The following PPM1H variants were observed in gnomAD, a reference collection of about 807,000 sequenced individuals.
PPM1H encodes the protein protein phosphatase, Mg2+/Mn2+ dependent 1H, also known as protein phosphatase 1H.
A neutral mutation model predicts 54.9 loss-of-function variants in PPM1H; 27 were observed. That is an observed-to-expected ratio of 0.49 (90% CI 0.36 to 0.68). The LOEUF (loss-of-function observed/expected upper bound fraction) is 0.68, where lower values mean the gene tolerates loss of function less well. PPM1H is among the 30% of genes least tolerant of loss of function. The probability of loss-of-function intolerance (pLI) is 0.00; values close to 1 mark genes in which losing one functional copy is unlikely to be tolerated. For synonymous variants in PPM1H, 305 were observed against 270.8 expected (o/e 1.13, Z -1.24); for missense variants, 596 against 667.8 (o/e 0.89, Z 1.19).
intron 4 of PPM1H, among the ~76,000 whole-genome samples, chr12:62,764,421 T>A (rs2076529012): frequency 6.6e-6 from 1 of 152,166 alleles, no homozygotes; most frequent in Non-Finnish European, 1.5e-5. Context: ...TAACAGCTAT[T>A]CTGAATAAAA....
intron 1 of PPM1H, among the ~76,000 whole-genome samples, chr12:62,929,594 A>C (rs973392443): frequency 7.2e-5 from 11 of 152,256 alleles, no homozygotes; most frequent in African/African-American, 2.6e-4. Flanking sequence ...CTAAACTGGG[A>C]CTGAAACATA....
At position 62,646,688 on chromosome 12, in the gene PPM1H, T is replaced by G. The variant is rs2075787216; in HGVS notation, c.*1801A>C. Reference sequence around the variant, plus strand: ...AACTCCTGACAAGGCCGAAGTCCCATTCTTCCCAGGCCAACACTTGCACAA... The same window carrying G: ...AACTCCTGACAAGGCCGAAGTCCCAGTCTTCCCAGGCCAACACTTGCACAA... On this transcript the variant is annotated 3_prime_UTR_variant, in exon 10 of 10. Transcript: ENST00000228705. 1 of 152,292 alleles carries G rather than the reference T, an allele frequency of 6.6e-6. No individual in the cohort carries two copies. Among genetic ancestry groups the G allele is most frequent in the African/African-American group, 2.4e-5 (1 of 41,466 alleles). The allele number at this position is 152,292 out of a possible 1,614,324, so 9.4% of individuals were successfully genotyped here. A position where few individuals can be genotyped will look rare whatever the true frequency, so the allele number is the denominator to read the frequency against.
Position 62,656,381 on chromosome 12 carries a change from G to A in PPM1H, c.1398-7745C>T, listed in dbSNP as rs569754016. 1.4e-3 allele frequency among the ~76,000 whole-genome samples: 208 copies of A among 152,282 alleles called. 1 individual carries two copies. The highest frequency in any genetic ancestry group is 3.4e-3 in the Middle Eastern group (1 of 294). On this transcript the variant is annotated intron_variant, in intron 9 of 9. Transcript: ENST00000228705. ...TCAGCACAGTGCCTGGCACACAATC[G>A]GAGGTCAATAAGTGTTAGTTATGTT...
chr12:62,892,344 A>C (rs1870828084), intron 1 of PPM1H, among the ~76,000 whole-genome samples: 1 of 151,986 alleles, frequency 6.6e-6, no homozygotes, highest in Non-Finnish European at 1.5e-5. Flanking sequence ...CTTTGAAGAG[A>C]TCTACCAATT....
intron 4 of PPM1H, among the ~76,000 whole-genome samples, chr12:62,762,607 G>C (rs2076516211): frequency 6.6e-6 from 1 of 152,224 alleles, no homozygotes; most frequent in Non-Finnish European, 1.5e-5. Flanking sequence ...AGGATGCTAA[G>C]TGAAGATGCT....
intron 1 of PPM1H, among the ~76,000 whole-genome samples, chr12:62,881,446 G>C (rs1382755693): frequency 6.6e-6 from 1 of 152,008 alleles, no homozygotes; most frequent in Non-Finnish European, 1.5e-5. Context: ...GAAGGAAGGG[G>C]GAGGGGGGAA....
chr12:62,710,813 G>A (rs1420044347), intron 6 of PPM1H, among the ~76,000 whole-genome samples: 1 of 152,174 alleles, frequency 6.6e-6, no homozygotes, highest in East Asian at 1.9e-4. Flanking sequence ...ACCTTGCAGA[G>A]GCAGCATTTC....
rs79326699 is a variant in PPM1H, at chr12:62,849,002, G to A, written c.246-16723C>T. Among the ~76,000 whole-genome samples the A allele has an allele frequency of 9.5e-3, 1,446 of 152,274 alleles. 23 individuals are homozygous for A. The highest frequency in any genetic ancestry group is 0.033 in the African/African-American group (1,361 of 41,544). On this transcript the variant is annotated intron_variant, in intron 1 of 9. Coordinates refer to ENST00000228705, the MANE Select transcript of PPM1H (RefSeq NM_020700.2). ...GTCATTAGCTGCAGGGGAAGGGAGT[G>A]GGAATAGTGGTGAGTGAGAGACTAC...
chr12:62,786,499 G>C (rs2076672493), intron 4 of PPM1H, among the ~76,000 whole-genome samples: 1 of 152,244 alleles, frequency 6.6e-6, no homozygotes. Context: ...CAAGAGATGG[G>C]AGGGCGGGCA....
intron 1 of PPM1H, among the ~76,000 whole-genome samples, chr12:62,892,912 C>T (rs1870850207): frequency 6.6e-6 from 1 of 152,204 alleles, no homozygotes; most frequent in Non-Finnish European, 1.5e-5. Context: ...TATAGACATG[C>T]CATTCCTCCC....
At chr12:62,851,242 T>C (rs1225835229) in intron 1 of PPM1H, among the ~76,000 whole-genome samples, 1 of 152,092 alleles carries the variant, frequency 6.6e-6, no homozygotes, top group Non-Finnish European at 1.5e-5. Context: ...CCAGAAAGCA[T>C]AAAAGCACTC....
intron 4 of PPM1H, among the ~76,000 whole-genome samples, chr12:62,748,567 C>CA (rs59465927): frequency 1.5e-4 from 22 of 148,416 alleles, no homozygotes; most frequent in African/African-American, 4.2e-4. Context: ...CACACACACA[C>CA]GTGTGAGGAA....
rs898541643 is a variant in PPM1H, at chr12:62,759,402, C to A, written c.870-21816G>T. Among the ~76,000 whole-genome samples, 4 of 152,316 alleles carry A rather than the reference C, an allele frequency of 2.6e-5. No homozygotes were observed. In the South Asian group the frequency reaches 8.3e-4, roughly 32 times the overall value. On this transcript the variant is annotated intron_variant, in intron 4 of 9. Transcript: ENST00000228705. Reference sequence around the variant, plus strand: ...TCCAACCTCTCTCACTATCCCTCAACCTCTTTCTCCTTTCAATCTTGGCAC... The same window carrying A: ...TCCAACCTCTCTCACTATCCCTCAAACTCTTTCTCCTTTCAATCTTGGCAC...
chr12:62,742,452 C>A (rs1009849008), intron 4 of PPM1H, among the ~76,000 whole-genome samples: 1 of 152,138 alleles, frequency 6.6e-6, no homozygotes, highest in African/African-American at 2.4e-5. Context: ...GGTCTCCAAT[C>A]TGGAGTAGGG....
intron 1 of PPM1H, among the ~76,000 whole-genome samples, chr12:62,933,336 G>A (rs977628806): frequency 6.6e-6 from 1 of 152,110 alleles, no homozygotes; most frequent in African/African-American, 2.4e-5. Flanking sequence ...CCTTAGGGTC[G>A]GGAACCAAGC....
chr12:62,654,243 C>G (rs1220309404), intron 9 of PPM1H, among the ~76,000 whole-genome samples: 2 of 62,328 alleles, frequency 3.2e-5, no homozygotes, highest in African/African-American at 1.1e-4. Context: ...AAAAAAAAAG[C>G]AACACCTGAA....
chr12:62,806,602 A>T (rs2076807097), intron 2 of PPM1H, among the ~76,000 whole-genome samples: 1 of 152,106 alleles, frequency 6.6e-6, no homozygotes, highest in South Asian at 2.1e-4. Flanking sequence ...ACAGTGAGTG[A>T]GTTCTCACGA....
intron 1 of PPM1H, among the ~76,000 whole-genome samples, chr12:62,917,644 T>C (rs1204964356): frequency 6.6e-6 from 1 of 152,212 alleles, no homozygotes. Flanking sequence ...TAGTAACATA[T>C]CACATTACTT....
chr12:62,801,619 T>C (rs1037154379), intron 3 of PPM1H, among the ~76,000 whole-genome samples, 197 bp downstream of exon 3: 1 of 152,170 alleles, frequency 6.6e-6, no homozygotes, highest in Non-Finnish European at 1.5e-5. Context: ...TTTTACATTT[T>C]TGCCAGCACT....
Sources: allele counts gnomAD v4.1 joint callset (sites outside exome capture counted in the v4.1 genomes callset), GRCh38; gene constraint gnomAD v4.1.1; transcripts MANE v1.5; gene names NCBI Gene and HGNC (gene_info 2026-07-23, HGNC 2026-07-21).